PDIA5: variants seen among roughly 807,000 people sequenced by gnomAD.
PDIA5 encodes the protein protein disulfide-isomerase A5.
PDIA5 carries 58 observed loss-of-function variants against 77.6 expected under a neutral mutation model. The observed-to-expected ratio is 0.75, with a 90% CI of 0.61 to 0.93. PDIA5 has a LOEUF of 0.93. PDIA5 is among the 40% of genes least tolerant of loss of function. PDIA5 has a pLI of 0.00. For synonymous variants in PDIA5, 250 were observed against 252.1 expected (o/e 0.99, Z 0.08); for missense variants, 630 against 647.7 (o/e 0.97, Z 0.30).
intron 3 of PDIA5, among the ~76,000 whole-genome samples, chr3:123,095,046 C>T (rs1008793426): frequency 6.6e-6 from 1 of 152,096 alleles, no homozygotes; most frequent in South Asian, 2.1e-4. Context: ...AAGCCTTGGG[C>T]TTAGGAGGGG....
chr3:123,105,205 G>T (rs1466829577), intron 5 of PDIA5, among the ~76,000 whole-genome samples: 2 of 152,156 alleles, frequency 1.3e-5, no homozygotes, highest in East Asian at 1.9e-4. Context: ...CTCCCTGAAA[G>T]CGTGTGTGCA....
At position 123,078,571 on chromosome 3, in the gene PDIA5, T is replaced by C. The variant is rs1447618632; in HGVS notation, c.43-10597T>C. ...TTTTATCATACTCTTCCTCTACATA[T>C]ATGAAGTTTATATATGATGTTCCTT... is the stretch of plus-strand genomic sequence containing the variant. On this transcript the variant is annotated intron_variant, in intron 1 of 16. Coordinates refer to ENST00000316218, the MANE Select transcript of PDIA5 (RefSeq NM_006810.4). Among the ~76,000 whole-genome samples, 5 of 152,206 alleles carry C rather than the reference T, an allele frequency of 3.3e-5. No individual in the cohort carries two copies. In the South Asian group the frequency reaches 1.0e-3, roughly 31 times the overall value.
chr3:123,074,765 C>A (rs1933807263), intron 1 of PDIA5, among the ~76,000 whole-genome samples: 1 of 152,070 alleles, frequency 6.6e-6, no homozygotes, highest in African/African-American at 2.4e-5. Context: ...ATTCATAATA[C>A]AGGAAAGGCT....
chr3:123,107,143 G>A (rs1934756026), intron 6 of PDIA5, among the ~76,000 whole-genome samples: 3 of 152,066 alleles, frequency 2.0e-5, no homozygotes, highest in Admixed American at 6.5e-5. Flanking sequence ...TCTCTCTATT[G>A]TGTAATCCAG....
intron 7 of PDIA5, among the ~76,000 whole-genome samples, chr3:123,115,497 G>C (rs1013039827): frequency 2.6e-5 from 4 of 152,320 alleles, no homozygotes; most frequent in African/African-American, 9.6e-5. Context: ...ATCGCAGACA[G>C]AATCCTTTGC....
chr3:123,159,002 A>T lies in PDIA5; in HGVS notation c.1345-2319A>T, dbSNP rs116439653. On this transcript the variant is annotated intron_variant, in intron 15 of 16. Transcript: ENST00000316218. ...CCTTTGCAGCTAGAAGTTGCATTCC[A>T]TGTGTGCGGCTGGCAGCTAGTTTAG... Among the ~76,000 whole-genome samples the T allele has an allele frequency of 6.1e-3, 928 of 152,330 alleles. 11 individuals are homozygous for T. Among genetic ancestry groups the T allele is most frequent in the African/African-American group, 0.021 (876 of 41,570 alleles).
At chr3:123,077,549 TACACACACACACAC>T (rs368009624) in intron 1 of PDIA5, among the ~76,000 whole-genome samples, 48 of 136,410 alleles carry the variant, frequency 3.5e-4, no homozygotes, top group African/African-American at 1.2e-3. Flanking sequence ...CTCACACACA[TACACACACACACAC>T]ACACACACAC....
intron 3 of PDIA5, among the ~76,000 whole-genome samples, chr3:123,099,954 G>T (rs548505454): frequency 1.7e-4 from 26 of 152,402 alleles, no homozygotes; most frequent in Non-Finnish European, 3.2e-4. Flanking sequence ...AGGAACTGCA[G>T]TGTGAACGGA....
chr3:123,116,420 G>T, intron 8 of PDIA5, 122 bp downstream of exon 8: 1 of 741,036 alleles, frequency 1.3e-6, no homozygotes, highest in South Asian at 1.6e-5. Context: ...TGCTGCCTGG[G>T]CCGTTGCTGA....
At chr3:123,078,972 T>G (rs527927770) in intron 1 of PDIA5, among the ~76,000 whole-genome samples, 1 of 152,298 alleles carries the variant, frequency 6.6e-6, no homozygotes, top group Non-Finnish European at 1.5e-5. Flanking sequence ...GGAGATACTT[T>G]GAGGCAGTTA....
In PDIA5 at chr3:123,152,743, C is replaced by T. The variant is rs576317500; in HGVS notation, c.1274-2228C>T. On this transcript the variant is annotated intron_variant, in intron 14 of 16. Coordinates refer to ENST00000316218, the MANE Select transcript of PDIA5 (RefSeq NM_006810.4). ...CCACCTCCCACATCCCTTCTCCCAC[C>T]ATGTCTGCCCCTGCATCCTGTCTCC... Among the ~76,000 whole-genome samples the T allele has an allele frequency of 2.6e-5, 4 of 152,280 alleles. No homozygotes were observed. The East Asian group carries it at 7.7e-4, about 29-fold the overall frequency.
In PDIA5 at chr3:123,081,891, C is replaced by G. The variant is rs184961508; in HGVS notation, c.43-7277C>G. 3.1e-3 allele frequency among the ~76,000 whole-genome samples: 473 copies of G among 152,328 alleles called. 2 individuals carry two copies. Among genetic ancestry groups the G allele is most frequent in the African/African-American group, 0.01 (419 of 41,566 alleles). Reference sequence around the variant, plus strand: ...GATTATCTCCCAGCGTGCTGGGACTCTTATCTCTTTAGTCTGATGGAGATG... The same window carrying G: ...GATTATCTCCCAGCGTGCTGGGACTGTTATCTCTTTAGTCTGATGGAGATG... On this transcript the variant is annotated intron_variant, in intron 1 of 16. Coordinates refer to ENST00000316218, the MANE Select transcript of PDIA5 (RefSeq NM_006810.4).
chr3:123,131,211 A>G (rs148021734), intron 11 of PDIA5, among the ~76,000 whole-genome samples: 174 of 152,278 alleles, frequency 1.1e-3, no homozygotes, highest in African/African-American at 4.1e-3. Flanking sequence ...TTGAGGCTGC[A>G]GTGAACTGTG....
At chr3:123,115,875 G>A (rs1453534769) in intron 7 of PDIA5, among the ~76,000 whole-genome samples, 2 of 152,268 alleles carry the variant, frequency 1.3e-5, no homozygotes, top group East Asian at 3.8e-4. Context: ...GCGTGCAGCA[G>A]TTGCTCTCTT....
chr3:123,086,665 G>T (rs1166345499), intron 1 of PDIA5, among the ~76,000 whole-genome samples: 2 of 152,154 alleles, frequency 1.3e-5, no homozygotes, highest in Admixed American at 1.3e-4. Flanking sequence ...GCAGGCTGTT[G>T]AACAGTTGTC....
chr3:123,068,025 G>A (rs894786296), intron 1 of PDIA5, among the ~76,000 whole-genome samples: 1 of 152,204 alleles, frequency 6.6e-6, no homozygotes, highest in Non-Finnish European at 1.5e-5. Context: ...ATCCCTGAGA[G>A]AGGTCGGAAT....
chr3:123,146,253 T>C lies in PDIA5; in HGVS notation c.1136T>C (p.Met379Thr). The change falls in exon 13 of 17, where the codon ATG (methionine) becomes ACG (threonine). Residue 379 changes from methionine to threonine, a missense_variant. Met to Thr is a moderately conservative substitution (Grantham distance 81). Coordinates refer to ENST00000316218, the MANE Select transcript of PDIA5 (RefSeq NM_006810.4). ...LRTKKKFLEW[M>T]QNPEAPPPPE... ...ACAAAGAAGAAGTTTCTCGAGTGGA[T>C]GCAAAAGTAAGTGTTACGATCTCAG... is the stretch of plus-strand genomic sequence containing the variant. The C allele has an allele frequency of 6.2e-7, 1 of 1,613,774 alleles. No individual in the cohort carries two copies.
chr3:123,096,396 C>T (rs1220621054), intron 3 of PDIA5, among the ~76,000 whole-genome samples: 1 of 152,016 alleles, frequency 6.6e-6, no homozygotes, highest in Non-Finnish European at 1.5e-5. Flanking sequence ...GCCATGTTGC[C>T]CCGGCTGGTC....
At chr3:123,102,912 G>T in intron 5 of PDIA5, 116 bp downstream of exon 5, 1 of 727,228 alleles carries the variant, frequency 1.4e-6, no homozygotes. Flanking sequence ...TCTTCTAAAT[G>T]ACCTGAGAGA....
Sources: allele counts gnomAD v4.1 joint callset (sites outside exome capture counted in the v4.1 genomes callset), GRCh38; gene constraint gnomAD v4.1.1; transcripts MANE v1.5; gene names NCBI Gene and HGNC (gene_info 2026-07-23, HGNC 2026-07-21).